The following CTNNA2 variants were observed in gnomAD, a reference collection of about 807,000 sequenced individuals.
The protein encoded by CTNNA2 is catenin alpha 2, also known as catenin alpha-2.
In CTNNA2, 42 loss-of-function variants were observed where a neutral mutation model predicts 101.0. The observed-to-expected ratio is 0.42, with a 90% CI of 0.32 to 0.54. The LOEUF (loss-of-function observed/expected upper bound fraction) is 0.54. Ranked by LOEUF, CTNNA2 falls within the 20% of genes least tolerant of loss-of-function variation. CTNNA2 has a pLI of 0.14. For missense variants in CTNNA2, 871 were observed against 1,223.1 expected, an observed-to-expected ratio of 0.71 and a Z score of 4.29; for synonymous variants, 450 against 456.4, an observed-to-expected ratio of 0.99 and a Z score of 0.18.
chr2:79,942,685 G>C (rs1688235735), intron 7 of CTNNA2, among the ~76,000 whole-genome samples: 1 of 152,116 alleles, frequency 6.6e-6, no homozygotes. Context: ...ACCAACCCAA[G>C]AGGCATACTT....
chr2:80,173,851 A>G (rs1705224604), intron 7 of CTNNA2, among the ~76,000 whole-genome samples: 2 of 152,296 alleles, frequency 1.3e-5, no homozygotes, highest in African/African-American at 2.4e-5. Context: ...CCCCTACAGT[A>G]TACCACTAGT....
At chr2:80,353,456 A>G (rs540085002) in intron 7 of CTNNA2, among the ~76,000 whole-genome samples, 2 of 152,236 alleles carry the variant, frequency 1.3e-5, no homozygotes, top group South Asian at 4.1e-4. Context: ...TTCTACTATA[A>G]CCTATAATAT....
At chr2:79,269,082 A>T (rs888527289) in intron 2 of CTNNA2, among the ~76,000 whole-genome samples, 3 of 152,070 alleles carry the variant, frequency 2.0e-5, no homozygotes, top group Non-Finnish European at 1.5e-5. Flanking sequence ...TTAGAAATTG[A>T]TGCTGGACTG....
At chr2:79,910,771 C>T (rs751929123) in intron 7 of CTNNA2, among the ~76,000 whole-genome samples, 10 of 152,122 alleles carry the variant, frequency 6.6e-5, no homozygotes, top group Non-Finnish European at 7.4e-5. Flanking sequence ...TGAAACAAAG[C>T]AGCCATTCAG....
chr2:80,010,239 G>C (rs1423995019), intron 7 of CTNNA2, among the ~76,000 whole-genome samples: 1 of 152,094 alleles, frequency 6.6e-6, no homozygotes, highest in East Asian at 1.9e-4. Flanking sequence ...CAGGACACAG[G>C]TTAGAAGACT....
At chr2:79,251,027 G>C (rs1301276379) in intron 2 of CTNNA2, among the ~76,000 whole-genome samples, 1 of 152,142 alleles carries the variant, frequency 6.6e-6, no homozygotes, top group Non-Finnish European at 1.5e-5. Context: ...TGTCTCCGTA[G>C]TAATGGTTAA....
At chr2:80,298,528 G>C (rs1675960293) in intron 7 of CTNNA2, 1 of 152,174 alleles carries the variant, frequency 6.6e-6, no homozygotes, top group Non-Finnish European at 1.5e-5. Context: ...AAATAAGCCG[G>C]AAACACAAGT....
chr2:79,486,019 G>C (rs1325553152), intron 4 of CTNNA2, among the ~76,000 whole-genome samples: 9 of 152,050 alleles, frequency 5.9e-5, no homozygotes, highest in Admixed American at 5.9e-4. Flanking sequence ...ACTCAATTAA[G>C]AATAATTAGG....
intron 1 of CTNNA2, among the ~76,000 whole-genome samples, chr2:79,195,679 T>C (rs148192058): frequency 2.1e-4 from 32 of 152,278 alleles, no homozygotes; most frequent in African/African-American, 7.5e-4. Context: ...GGGACCTTAA[T>C]ACATTTATCC....
chr2:79,515,757 A>T (rs1472955016), intron 1 of CTNNA2, among the ~76,000 whole-genome samples: 1 of 152,206 alleles, frequency 6.6e-6, no homozygotes, highest in Non-Finnish European at 1.5e-5. Context: ...GCAGATAAAG[A>T]CTGACTTCCT....
chr2:80,356,757 A>G (rs536703586), intron 7 of CTNNA2, among the ~76,000 whole-genome samples: 1 of 152,274 alleles, frequency 6.6e-6, no homozygotes, highest in South Asian at 2.1e-4. Context: ...GACACCATTC[A>G]TTCAACACTT....
At chr2:79,214,743 A>G (rs930887985) in intron 2 of CTNNA2, among the ~76,000 whole-genome samples, 3 of 152,132 alleles carry the variant, frequency 2.0e-5, no homozygotes, top group Non-Finnish European at 4.4e-5. Context: ...GCTGTAGTCC[A>G]AGAATAGTCA....
intron 7 of CTNNA2, among the ~76,000 whole-genome samples, chr2:79,957,554 C>T (rs1689322810): frequency 6.6e-6 from 1 of 152,150 alleles, no homozygotes; most frequent in African/African-American, 2.4e-5. Flanking sequence ...TAGTTCTTTC[C>T]CATACCTCTT....
intron 2 of CTNNA2, among the ~76,000 whole-genome samples, chr2:79,285,813 A>C (rs371642062): frequency 6.8e-6 from 1 of 147,098 alleles, no homozygotes; most frequent in Non-Finnish European, 1.5e-5. Context: ...TATCCTTGTT[A>C]ACTTTCTGTC....
chr2:80,604,205 C>A, intron 16 of CTNNA2, 26 bp downstream of exon 16: 2 of 1,579,794 alleles, frequency 1.3e-6, no homozygotes, highest in Non-Finnish European at 1.7e-6. Flanking sequence ...AGGGTGGGCA[C>A]ATGCTGAGTG....
chr2:80,404,207 TG>T (rs1298560058), intron 8 of CTNNA2, among the ~76,000 whole-genome samples: 2 of 152,222 alleles, frequency 1.3e-5, no homozygotes, highest in African/African-American at 4.8e-5. Context: ...TAGTATTCTC[TG>T]ATGGTTGTTT....
intron 4 of CTNNA2, among the ~76,000 whole-genome samples, chr2:79,500,495 A>C (rs955626196): frequency 6.6e-6 from 1 of 152,240 alleles, no homozygotes; most frequent in Non-Finnish European, 1.5e-5. Context: ...ATTACACAGA[A>C]TAATTGAAAT....
At chr2:80,581,630 C>A in intron 13 of CTNNA2, 76 bp from the exon 14 acceptor site, 1 of 888,760 alleles carries the variant, frequency 1.1e-6, no homozygotes, top group Admixed American at 1.9e-5. Context: ...GGATATTTAG[C>A]CTTTGCAATG....
chr2:79,795,316 C>G (rs536394454), intron 3 of CTNNA2, among the ~76,000 whole-genome samples: 1 of 151,904 alleles, frequency 6.6e-6, no homozygotes, highest in Non-Finnish European at 1.5e-5. Context: ...TGTGTTGAGA[C>G]TAATTGTCTT....
Sources: allele counts gnomAD v4.1 joint callset (sites outside exome capture counted in the v4.1 genomes callset), GRCh38; gene constraint gnomAD v4.1.1; transcripts MANE v1.5; gene names NCBI Gene and HGNC (gene_info 2026-07-23, HGNC 2026-07-21).